Variants in ADAMTS5 observed in about 807,000 individuals in gnomAD.
ADAMTS5 encodes A disintegrin and metalloproteinase with thrombospondin motifs 5.
Under a neutral mutation model 81.4 loss-of-function variants are expected in ADAMTS5, and 54 were observed. The observed-to-expected ratio is 0.66, with a 90% CI of 0.53 to 0.83. The LOEUF (loss-of-function observed/expected upper bound fraction) is 0.83, where lower values mean the gene tolerates loss of function less well. Ranked by LOEUF, ADAMTS5 falls within the 40% of genes least tolerant of loss-of-function variation. ADAMTS5 has a pLI of 0.00. For synonymous variants in ADAMTS5, 532 were observed against 508.8 expected (o/e 1.05, Z -0.61); for missense variants, 1,194 against 1,229.9 (o/e 0.97, Z 0.44).
intron 3 of ADAMTS5, 138 bp from the exon 4 acceptor site, chr21:26,934,887 G>A (rs1986986062): frequency 4.3e-6 from 5 of 1,174,874 alleles, no homozygotes; most frequent in South Asian, 1.6e-5. Context: ...GCTCTGGAGA[G>A]GGACTCCATG....
chr21:26,943,224 C>G (rs55785638), intron 3 of ADAMTS5, among the ~76,000 whole-genome samples, 156 bp downstream of exon 3: 26,923 of 152,012 alleles, frequency 0.18, 3,096 homozygotes, highest in Non-Finnish European at 0.25. Context: ...CAGTACATAC[C>G]CACATATGAT....
intron 2 of ADAMTS5, among the ~76,000 whole-genome samples, chr21:26,951,237 C>A (rs1987310473): frequency 6.6e-6 from 1 of 152,088 alleles, no homozygotes; most frequent in South Asian, 2.1e-4. Context: ...CAAATATATC[C>A]TTTTACTGCT....
At chr21:26,943,225 C>A (rs34314289) in intron 3 of ADAMTS5, among the ~76,000 whole-genome samples, 155 bp downstream of exon 3, 26,926 of 152,052 alleles carry the variant, frequency 0.18, 3,096 homozygotes, top group Non-Finnish European at 0.25. Flanking sequence ...AGTACATACC[C>A]ACATATGATC....
chr21:26,926,713 C>T (rs1030073953), intron 7 of ADAMTS5, among the ~76,000 whole-genome samples: 8 of 150,938 alleles, frequency 5.3e-5, no homozygotes, highest in Non-Finnish European at 1.0e-4. Flanking sequence ...CCAATTAGCG[C>T]TCTTTTTCAC....
chr21:26,948,157 C>T (rs957010667), intron 2 of ADAMTS5, among the ~76,000 whole-genome samples: 6 of 152,170 alleles, frequency 3.9e-5, no homozygotes, highest in African/African-American at 1.4e-4. Context: ...TAATGTGTAG[C>T]CAGATGAAGA....
intron 5 of ADAMTS5, 107 bp downstream of exon 5, chr21:26,932,754 G>A: frequency 8.1e-7 from 1 of 1,240,910 alleles, no homozygotes; most frequent in Non-Finnish European, 1.1e-6. Flanking sequence ...TGGTGGAACT[G>A]TGCAGTATAA....
chr21:26,924,168 G>T lies in ADAMTS5; in HGVS notation c.2678C>A (p.Thr893Lys), dbSNP rs749465566. 4.3e-6 allele frequency: 7 copies of T among 1,614,056 alleles called. No individual in the cohort carries two copies. In the African/African-American group the frequency reaches 8.0e-5, roughly 18 times the overall value. ...PWLACSRTCD[T>K]GWHTRTVQCQ... is the part of the protein sequence containing the mutation. ...CTGCACCGTTCTGGTGTGCCAACCT[G>T]TGTCACAGGTCCTAGAGCAGGCGAG... Residue 893 changes from threonine (T) to lysine (K), a missense_variant, in exon 8 of 8, where the codon ACA becomes AAA. This residue lies in a region of ADAMTS5 where 696 missense variants were observed against 817.6 expected (regional missense o/e 0.85). Transcript: ENST00000284987.
In ADAMTS5 at chr21:26,966,023, G is replaced by A. The variant is rs1568856499; in HGVS notation, c.369C>T (p.Pro123=). 3 of 1,613,106 alleles carry A rather than the reference G, an allele frequency of 1.9e-6. No homozygotes were observed. The South Asian group carries it at 3.3e-5, about 18-fold the overall frequency. Residue 123 remains proline (P), a synonymous_variant, in exon 1 of 8, where the codon CCC becomes CCT. Transcript: ENST00000284987. ...FVPAGGGTSA[P]WRHRSHCFYR... ...AGAAGCAGTGGCTCCGGTGGCGCCA[G>A]GGCGCACTCGTCCCGCCTCCTGCGG...
chr21:26,945,551 T>C (rs1987199627), intron 2 of ADAMTS5, among the ~76,000 whole-genome samples: 1 of 152,170 alleles, frequency 6.6e-6, no homozygotes, highest in Admixed American at 6.5e-5. Flanking sequence ...GGAGGGTAGA[T>C]TTTAGAATTC....
At chr21:26,940,438 G>A (rs1035650328) in intron 3 of ADAMTS5, among the ~76,000 whole-genome samples, 1 of 152,124 alleles carries the variant, frequency 6.6e-6, no homozygotes, top group African/African-American at 2.4e-5. Context: ...GGTGAGATAG[G>A]GCTTTTGACC....
Position 26,966,534 on chromosome 21 carries a change from G to A in ADAMTS5, c.-143C>T. On this transcript the variant is annotated 5_prime_UTR_variant, in exon 1 of 8. Coordinates refer to ENST00000284987, the MANE Select transcript of ADAMTS5 (RefSeq NM_007038.5). Reference sequence around the variant, plus strand: ...TCAAGTGTCGGAGGGAGGGGGGCCCGGCAGCAGCGCCAGCCTGTCCGGGCT... The same window carrying A: ...TCAAGTGTCGGAGGGAGGGGGGCCCAGCAGCAGCGCCAGCCTGTCCGGGCT... 3 of 792,678 alleles carry A rather than the reference G, an allele frequency of 3.8e-6. No homozygotes were observed. The highest frequency in any genetic ancestry group is 3.5e-6 in the Non-Finnish European group (2 of 564,200). The allele number at this position is 792,678 out of a possible 1,614,324, so 49.1% of individuals were successfully genotyped here. A position where few individuals can be genotyped will look rare whatever the true frequency, so the allele number is the denominator to read the frequency against.
chr21:26,964,995 G>C (rs1278432339), intron 1 of ADAMTS5, among the ~76,000 whole-genome samples: 5 of 152,076 alleles, frequency 3.3e-5, no homozygotes, highest in Non-Finnish European at 7.3e-5. Flanking sequence ...AAGCATCCTT[G>C]TGCCTTCTTA....
rs974199157 is a variant in ADAMTS5, at chr21:26,966,362, C to T, written c.30G>A (p.Leu10=). 14 of 1,498,510 alleles carry T rather than the reference C, an allele frequency of 9.3e-6. No individual in the cohort carries two copies. The highest frequency in any genetic ancestry group is 2.6e-5 in the East Asian group (1 of 38,364). 92.8% of individuals were successfully genotyped at this position (1,498,510 alleles called of 1,614,324 possible). A position where few individuals can be genotyped will look rare whatever the true frequency, so the allele number is the denominator to read the frequency against. Reference sequence around the variant, plus strand: ...CGGCCAGGGGCAGGCGGAACGCGCACAGCAGCAGGGACGCCCACCCGAGCA... The same window carrying T: ...CGGCCAGGGGCAGGCGGAACGCGCATAGCAGCAGGGACGCCCACCCGAGCA... MLLGWASLL[L]CAFRLPLAAV... The change falls in exon 1 of 8, where the codon CTG becomes CTA. Residue 10 remains leucine, a synonymous_variant. Coordinates refer to ENST00000284987, the MANE Select transcript of ADAMTS5 (RefSeq NM_007038.5).
At chr21:26,953,352 A>G (rs1251071914) in intron 2 of ADAMTS5, among the ~76,000 whole-genome samples, 1 of 152,192 alleles carries the variant, frequency 6.6e-6, no homozygotes, top group African/African-American at 2.4e-5. Flanking sequence ...ATTTACGTTT[A>G]GGTTTTATAT....
In ADAMTS5 at chr21:26,919,888, A is replaced by G. The variant is rs1234627257; in HGVS notation, c.*4165T>C. 2.0e-5 allele frequency: 3 copies of G among 152,080 alleles called. No individual in the cohort carries two copies. In the East Asian group the frequency reaches 5.8e-4, roughly 29 times the overall value. The allele number at this position is 152,080 out of a possible 1,614,324, so 9.4% of individuals were successfully genotyped here. ...ATACAAGTTCCTTTTCTGTGTGTCT[A>G]AATGATACATTGTCTTGAATTTGGT... On this transcript the variant is annotated 3_prime_UTR_variant, in exon 8 of 8. Transcript: ENST00000284987.
In ADAMTS5 at chr21:26,931,956, A is replaced by C. The variant is rs777044330; in HGVS notation, c.2049+48T>G. 3 of 1,516,346 alleles carry C rather than the reference A, an allele frequency of 2.0e-6. No individual in the cohort carries two copies. In the South Asian group the frequency reaches 4.1e-5, roughly 21 times the overall value. 93.9% of individuals were successfully genotyped at this position (1,516,346 alleles called of 1,614,324 possible). On this transcript the variant is annotated intron_variant, in intron 6 of 7. Transcript: ENST00000284987. Reference sequence around the variant, plus strand: ...TCCGCAGGCTTCATTCTACCAAATAATTTCCACCAGTACGCCTACTGCTTC... The same window carrying C: ...TCCGCAGGCTTCATTCTACCAAATACTTTCCACCAGTACGCCTACTGCTTC...
At chr21:26,935,707 A>C (rs1442976031) in intron 3 of ADAMTS5, among the ~76,000 whole-genome samples, 2 of 152,126 alleles carry the variant, frequency 1.3e-5, no homozygotes, top group African/African-American at 4.8e-5. Context: ...CCAAAACCTT[A>C]AATTTGCTTC....
chr21:26,918,137 A>C lies in ADAMTS5; in HGVS notation c.*5916T>G, dbSNP rs1986616736. 1 of 152,424 alleles carries C rather than the reference A, an allele frequency of 6.6e-6. No homozygotes were observed. The highest frequency in any genetic ancestry group is 6.6e-5 in the Admixed American group (1 of 15,236). 9.4% of individuals were successfully genotyped at this position (152,424 alleles called of 1,614,324 possible). ...AGGCTACAAGACACAGTAATGCTTT[A>C]AATAGTTGATTAAGATTTGAAGGTT... On this transcript the variant is annotated 3_prime_UTR_variant, in exon 8 of 8. Coordinates refer to ENST00000284987, the MANE Select transcript of ADAMTS5 (RefSeq NM_007038.5).
At chr21:26,925,795 A>T (rs1986795807) in intron 7 of ADAMTS5, among the ~76,000 whole-genome samples, 1 of 152,236 alleles carries the variant, frequency 6.6e-6, no homozygotes, top group South Asian at 2.1e-4. Flanking sequence ...ATCGCCAAGG[A>T]AGTCCCCTGT....
Sources: gnomAD v4.1 joint callset for allele counts (sites outside exome capture counted in the v4.1 genomes callset) on GRCh38, gnomAD v4.1.1 for gene constraint, gnomAD v4.1.1 regional missense constraint, MANE v1.5 for transcripts, NCBI Gene and HGNC (gene_info 2026-07-23, HGNC 2026-07-21) for gene names.